CAMTA1: variants seen among roughly 807,000 people sequenced by gnomAD.
CAMTA1 encodes calmodulin-binding transcription activator 1.
CAMTA1 carries 27 observed loss-of-function variants against 170.9 expected under a neutral mutation model. That is an observed-to-expected ratio of 0.16 (90% CI 0.12 to 0.22). The LOEUF is 0.22. Ranked by LOEUF, CAMTA1 falls within the 10% of genes least tolerant of loss-of-function variation. The pLI, the probability that CAMTA1 is intolerant of heterozygous loss-of-function variation, is 1.00. For synonymous variants in CAMTA1, 833 were observed against 891.5 expected (o/e 0.93, Z 1.17); for missense variants, 1,619 against 2,217.2 (o/e 0.73, Z 5.42).
At chr1:7,535,604 T>G (rs1280236719) in intron 6 of CAMTA1, among the ~76,000 whole-genome samples, 1 of 151,976 alleles carries the variant, frequency 6.6e-6, no homozygotes, top group Non-Finnish European at 1.5e-5. Context: ...TGGAGACGAG[T>G]GGCCACTTGC....
At chr1:7,215,462 C>T (rs1659586264) in intron 4 of CAMTA1, among the ~76,000 whole-genome samples, 1 of 152,246 alleles carries the variant, frequency 6.6e-6, no homozygotes, top group Admixed American at 6.5e-5. Context: ...GGCGCGATCT[C>T]AGCCCACTGC....
intron 3 of CAMTA1, among the ~76,000 whole-genome samples, chr1:6,989,783 A>G (rs1461076660): frequency 1.3e-5 from 2 of 152,148 alleles, no homozygotes; most frequent in South Asian, 2.1e-4. Flanking sequence ...TTTGTTTGCT[A>G]ATGACTAGAG....
chr1:7,104,041 A>AAC (rs140952517), intron 4 of CAMTA1, among the ~76,000 whole-genome samples: 130,898 of 150,276 alleles, frequency 0.87, 57,269 homozygotes, highest in African/African-American at 0.95. Flanking sequence ...ATATGCATAC[A>AAC]ACACACACAA....
intron 6 of CAMTA1, among the ~76,000 whole-genome samples, chr1:7,630,786 G>C (rs1294176731): frequency 6.6e-6 from 1 of 152,222 alleles, no homozygotes; most frequent in Admixed American, 6.5e-5. Context: ...CTCCAGCCCT[G>C]CTGAGCACTG....
In CAMTA1 at chr1:7,435,045, G is replaced by A. The variant is rs1021466335; in HGVS notation, c.439-32785G>A. Among the ~76,000 whole-genome samples, 1 of 152,010 alleles carries A rather than the reference G, an allele frequency of 6.6e-6. No individual in the cohort carries two copies. Among genetic ancestry groups the A allele is most frequent in the African/African-American group, 2.4e-5 (1 of 41,356 alleles). ...CCAGCCTGGGTGACAGCAAAACCCT[G>A]TCTCAAAACAAGAAAAAAGAAAAAA... On this transcript the variant is annotated intron_variant, in intron 5 of 22. Transcript: ENST00000303635. The surrounding 1 kb of genome is among the most constrained non-coding windows in gnomAD (Gnocchi z 4.4).
Position 7,264,813 on chromosome 1 carries a change from C to T in CAMTA1, c.438+15187C>T, listed in dbSNP as rs377493518. 4.8e-4 allele frequency among the ~76,000 whole-genome samples: 73 copies of T among 152,280 alleles called. 4 individuals are homozygous for T. In the South Asian group the frequency reaches 0.014, roughly 29 times the overall value. On this transcript the variant is annotated intron_variant, in intron 5 of 22. Transcript: ENST00000303635. ...AGTGTAATTTTCCTTTCCTGCACGG[C>T]CACCTTTTTATTTATTTACAGAAAG...
chr1:7,225,599 G>A (rs957907486), intron 4 of CAMTA1, among the ~76,000 whole-genome samples: 2 of 152,212 alleles, frequency 1.3e-5, no homozygotes, highest in South Asian at 2.1e-4. Flanking sequence ...TGGCGAGGCC[G>A]GCACCCCAGT....
At chr1:6,957,334 T>A (rs1462573946) in intron 3 of CAMTA1, among the ~76,000 whole-genome samples, 1 of 152,168 alleles carries the variant, frequency 6.6e-6, no homozygotes, top group Admixed American at 6.5e-5. Flanking sequence ...TATCACAAAC[T>A]ACCATAGACT....
intron 8 of CAMTA1, among the ~76,000 whole-genome samples, chr1:7,663,060 CT>C (rs2095974381): frequency 6.6e-6 from 1 of 152,198 alleles, no homozygotes; most frequent in South Asian, 2.1e-4. Flanking sequence ...CCACCTTCTC[CT>C]TCCCAACTTC....
chr1:7,496,167 G>A (rs940272294), intron 6 of CAMTA1, among the ~76,000 whole-genome samples: 5 of 152,220 alleles, frequency 3.3e-5, no homozygotes, highest in Non-Finnish European at 7.3e-5. Context: ...CCTGAGGTCA[G>A]CCTCACACAG....
intron 5 of CAMTA1, among the ~76,000 whole-genome samples, chr1:7,408,694 A>G (rs1313613576): frequency 2.0e-5 from 3 of 152,212 alleles, no homozygotes; most frequent in Non-Finnish European, 4.4e-5. Flanking sequence ...ATCTACAGTA[A>G]GCCCTGGGCG....
At chr1:7,708,769 A>G (rs370418712) in intron 11 of CAMTA1, among the ~76,000 whole-genome samples, 4 of 152,358 alleles carry the variant, frequency 2.6e-5, no homozygotes, top group East Asian at 1.9e-4. Context: ...TATTACTTTG[A>G]GGAAGGTAAA....
chr1:7,761,206 A>G (rs2150289117), intron 22 of CAMTA1, among the ~76,000 whole-genome samples: 1 of 152,318 alleles, frequency 6.6e-6, no homozygotes, highest in South Asian at 2.1e-4. Context: ...GAATGGTAAC[A>G]GGTCAGTCTT....
chr1:7,277,693 T>A (rs893803026), intron 5 of CAMTA1, among the ~76,000 whole-genome samples: 1 of 152,044 alleles, frequency 6.6e-6, no homozygotes, highest in African/African-American at 2.4e-5. Flanking sequence ...AGATAGTAGA[T>A]AAAGACAAGG....
chr1:7,029,845 A>G (rs564905620), intron 3 of CAMTA1, among the ~76,000 whole-genome samples: 1 of 152,370 alleles, frequency 6.6e-6, no homozygotes, highest in South Asian at 2.1e-4. Context: ...TAACATAAAT[A>G]ACATATTGTT....
chr1:7,625,770 G>T (rs921273640), intron 6 of CAMTA1, among the ~76,000 whole-genome samples: 3 of 152,224 alleles, frequency 2.0e-5, no homozygotes, highest in Non-Finnish European at 4.4e-5. Context: ...TGGTCTGGGG[G>T]ACCAGTTGGC....
intron 3 of CAMTA1, among the ~76,000 whole-genome samples, chr1:7,055,106 A>C (rs914459662): frequency 6.6e-6 from 1 of 152,122 alleles, no homozygotes; most frequent in Non-Finnish European, 1.5e-5. Flanking sequence ...CCCTACCCCC[A>C]TGATCCAGTC....
Position 7,664,654 on chromosome 1 carries a change from G to A in CAMTA1, c.2107G>A (p.Val703Ile). The change falls in exon 9 of 23, where the codon GTC (valine) becomes ATC (isoleucine). Residue 703 changes from valine (V) to isoleucine (I), a missense_variant. This residue lies in a region of CAMTA1 where 731 missense variants were observed against 907.6 expected (regional missense o/e 0.81). Transcript: ENST00000303635. ...CTCGCAGGCGGCGGAAGGGAGCGAG[G>A]TCCTGCTCAAGTCTGGGGAGCTGCA... ...ETSQAAEGSE[V>I]LLKSGELQAC... 6.2e-7 allele frequency: 1 copy of A among 1,606,186 alleles called. No individual in the cohort carries two copies. Among genetic ancestry groups the A allele is most frequent in the South Asian group, 1.1e-5 (1 of 90,908 alleles).
intron 4 of CAMTA1, among the ~76,000 whole-genome samples, chr1:7,103,859 A>AAC (rs1161578410): frequency 2.2e-3 from 83 of 36,970 alleles, no homozygotes; most frequent in Non-Finnish European, 3.7e-3. Context: ...CACAACACAC[A>AAC]TACACACACA....
Sources: allele counts gnomAD v4.1 joint callset (sites outside exome capture counted in the v4.1 genomes callset), GRCh38; gene constraint gnomAD v4.1.1; regional missense constraint gnomAD v4.1.1; non-coding constraint Gnocchi (gnomAD v3.1); transcripts MANE v1.5; gene names NCBI Gene and HGNC (gene_info 2026-07-23, HGNC 2026-07-21).